The following TFDP2 variants were observed in gnomAD, a reference collection of about 807,000 sequenced individuals.
The protein encoded by TFDP2 is transcription factor Dp-2.
TFDP2 carries 17 observed loss-of-function variants against 59.3 expected under a neutral mutation model. The ratio of observed to expected loss-of-function variants is 0.29; its 90% CI spans 0.20 to 0.43. The LOEUF (loss-of-function observed/expected upper bound fraction) is 0.43. TFDP2 is among the 20% of genes least tolerant of loss of function. The probability of loss-of-function intolerance (pLI) is 1.00; values close to 1 mark genes in which losing one functional copy is unlikely to be tolerated. For synonymous variants in TFDP2, 180 were observed against 194.7 expected (o/e 0.92, Z 0.63); for missense variants, 391 against 528.8 (o/e 0.74, Z 2.56).
intron 6 of TFDP2, among the ~76,000 whole-genome samples, chr3:141,993,199 C>CA (rs71856030): frequency 4.9e-5 from 7 of 144,126 alleles, no homozygotes; most frequent in South Asian, 2.2e-4. Flanking sequence ...GACTTCATCT[C>CA]AAAAAAAAGA....
At chr3:142,123,826 AAGAT>A (rs2062138170) in intron 1 of TFDP2, among the ~76,000 whole-genome samples, 2 of 152,326 alleles carry the variant, frequency 1.3e-5, no homozygotes, top group South Asian at 4.1e-4. Flanking sequence ...AACCAGATGA[AAGAT>A]AGAAGTATAT....
chr3:141,993,455 G>A (rs1225952696), intron 6 of TFDP2, 83 bp downstream of exon 6: 24 of 788,064 alleles, frequency 3.0e-5, no homozygotes, highest in South Asian at 4.0e-5. Context: ...GAAAAACATC[G>A]CATTAAACCA....
At chr3:142,061,889 TACA>T (rs1296364053) in intron 3 of TFDP2, among the ~76,000 whole-genome samples, 15,043 of 79,722 alleles carry the variant, frequency 0.19, 1,621 homozygotes, top group Middle Eastern at 0.32. Flanking sequence ...TCTCTCTCTC[TACA>T]CACACACACA....
In TFDP2 at chr3:142,007,522, G is replaced by C. The variant is rs570525423; in HGVS notation, c.83-1978C>G. ...TTTCGTGGAAGACAGTTTTTCCACA[G>C]ACAGGGGTGAAGGGAGGTATGGTTT... On this transcript the variant is annotated intron_variant, in intron 3 of 12. Transcript: ENST00000489671. 5.6e-4 allele frequency among the ~76,000 whole-genome samples: 85 copies of C among 152,344 alleles called. 1 individual carries two copies. Among genetic ancestry groups the C allele is most frequent in the Admixed American group, 2.1e-3 (32 of 15,300 alleles).
chr3:142,011,590 T>TAAAAAAAAAAAGAAAAAA (rs1944697411), intron 3 of TFDP2, among the ~76,000 whole-genome samples: 2 of 63,870 alleles, frequency 3.1e-5, no homozygotes, highest in African/African-American at 9.1e-5. Flanking sequence ...TAAAGTATAA[T>TAAAAAAAAAAAGAAAAAA]AAAAAAAAAA....
At chr3:142,117,422 A>C (rs2061885331) in intron 1 of TFDP2, among the ~76,000 whole-genome samples, 1 of 148,878 alleles carries the variant, frequency 6.7e-6, no homozygotes, top group Non-Finnish European at 1.5e-5. Context: ...GTCAAGCAGA[A>C]AAAAAAAAAA....
intron 3 of TFDP2, among the ~76,000 whole-genome samples, chr3:142,075,543 C>T (rs2060413501): frequency 6.6e-6 from 1 of 151,922 alleles, no homozygotes; most frequent in African/African-American, 2.4e-5. Flanking sequence ...ACTCACCTGG[C>T]TAAACAAGTA....
chr3:142,059,551 T>C (rs892159729), intron 3 of TFDP2, among the ~76,000 whole-genome samples: 1 of 152,172 alleles, frequency 6.6e-6, no homozygotes, highest in Admixed American at 6.5e-5. Context: ...ACAGATGCTA[T>C]TGAGACATAG....
intron 3 of TFDP2, among the ~76,000 whole-genome samples, chr3:142,084,862 G>A (rs1387002975): frequency 6.6e-6 from 1 of 151,778 alleles, no homozygotes; most frequent in Non-Finnish European, 1.5e-5. Context: ...GGGGAGTGAG[G>A]GTGATTAACG....
At chr3:141,976,309 G>A (rs1268273497) in intron 7 of TFDP2, among the ~76,000 whole-genome samples, 8 of 152,268 alleles carry the variant, frequency 5.3e-5, no homozygotes, top group South Asian at 2.1e-4. Context: ...CTGTCTACAG[G>A]TGGTAACTCA....
chr3:141,967,733 T>C (rs1022951846), intron 9 of TFDP2, among the ~76,000 whole-genome samples: 2 of 152,160 alleles, frequency 1.3e-5, no homozygotes, highest in South Asian at 2.1e-4. Flanking sequence ...CTTCTACAAA[T>C]ATTTGGTTTG....
At chr3:141,992,599 G>A (rs976417248) in intron 6 of TFDP2, among the ~76,000 whole-genome samples, 2 of 152,312 alleles carry the variant, frequency 1.3e-5, no homozygotes, top group East Asian at 1.9e-4. Context: ...CTGTTAGAGA[G>A]TAAAGAACAT....
intron 11 of TFDP2, among the ~76,000 whole-genome samples, chr3:141,954,689 G>GCTTTACA (rs1188562457): frequency 6.6e-6 from 1 of 151,884 alleles, no homozygotes; most frequent in Admixed American, 6.6e-5. Flanking sequence ...GTCTCTGTCA[G>GCTTTACA]CTGCCACTTT....
chr3:141,992,759 G>A (rs1942910436), intron 6 of TFDP2, among the ~76,000 whole-genome samples: 2 of 152,136 alleles, frequency 1.3e-5, no homozygotes, highest in Non-Finnish European at 2.9e-5. Flanking sequence ...ATATTCCCAT[G>A]GTTCTCACTC....
rs564686940 is a variant in TFDP2, at chr3:142,123,563, C to T, written c.-92-21722G>A. Among the ~76,000 whole-genome samples, 14 of 152,186 alleles carry T rather than the reference C, an allele frequency of 9.2e-5. No individual in the cohort carries two copies. The South Asian group carries it at 1.2e-3, about 14-fold the overall frequency. ...GATAACAGGCTTGAGCAACTGCACC[C>T]GGCCCATTTATGTAAAGCTATGGCA... On this transcript the variant is annotated intron_variant, in intron 1 of 12. Coordinates refer to ENST00000489671, the MANE Select transcript of TFDP2 (RefSeq NM_001178139.2).
chr3:142,061,451 G>T (rs1203351260), intron 3 of TFDP2, among the ~76,000 whole-genome samples: 1 of 152,078 alleles, frequency 6.6e-6, no homozygotes, highest in Non-Finnish European at 1.5e-5. Context: ...TTTCTGGGTG[G>T]TCTATGAGAT....
intron 3 of TFDP2, among the ~76,000 whole-genome samples, chr3:142,031,006 T>G (rs1946406308): frequency 6.6e-6 from 1 of 151,928 alleles, no homozygotes; most frequent in Non-Finnish European, 1.5e-5. Context: ...CCTCCCAAAG[T>G]GCTGGGATTA....
chr3:142,017,035 T>C (rs1244529830), intron 3 of TFDP2, among the ~76,000 whole-genome samples: 1 of 152,216 alleles, frequency 6.6e-6, no homozygotes, highest in Admixed American at 6.5e-5. Flanking sequence ...AAGTCTCCTC[T>C]GCCTGTAATC....
rs1936001916 is a variant in TFDP2, at chr3:141,952,158, A to G, written c.*355T>C. The G allele has an allele frequency of 5.8e-5, 10 of 173,510 alleles. No individual in the cohort carries two copies. The South Asian group carries it at 1.7e-3, about 30-fold the overall frequency. The allele number at this position is 173,510 out of a possible 1,614,324, so 10.7% of individuals were successfully genotyped here. ...AGGACTGCTCCGTGTAGCAATCTCA[A>G]TTCTAAGAATAATTACATGGGTGTG... On this transcript the variant is annotated 3_prime_UTR_variant, in exon 13 of 13. Coordinates refer to ENST00000489671, the MANE Select transcript of TFDP2 (RefSeq NM_001178139.2).
Sources: allele counts gnomAD v4.1 joint callset (sites outside exome capture counted in the v4.1 genomes callset), GRCh38; gene constraint gnomAD v4.1.1; transcripts MANE v1.5; gene names NCBI Gene and HGNC (gene_info 2026-07-23, HGNC 2026-07-21).